The following ETV6 variants were observed in gnomAD, a reference collection of about 807,000 sequenced individuals.
ETV6 encodes the protein ETS variant transcription factor 6.
A neutral mutation model predicts 51.1 loss-of-function variants in ETV6; 16 were observed. The observed-to-expected ratio is 0.31, with a 90% confidence interval of 0.21 to 0.48. The LOEUF (loss-of-function observed/expected upper bound fraction) is 0.48. ETV6 is among the 20% of genes least tolerant of loss of function. The pLI is 0.99. For synonymous variants in ETV6, 240 were observed against 224.1 expected, an observed-to-expected ratio of 1.07 and a Z score of -0.64; for missense variants, 458 against 594.8, an observed-to-expected ratio of 0.77 and a Z score of 2.39.
In ETV6 at chr12:11,893,794, T is replaced by A. The variant is rs2710277; in HGVS notation, c.*2748T>A. 2,268 of 79,254 alleles carry A rather than the reference T, an allele frequency of 0.029. 232 individuals are homozygous for A. Among genetic ancestry groups the A allele is most frequent in the Middle Eastern group, 0.053 (10 of 188 alleles). The allele number at this position is 79,254 out of a possible 1,614,324, so 4.9% of individuals were successfully genotyped here. On this transcript the variant is annotated 3_prime_UTR_variant, in exon 8 of 8. Coordinates refer to ENST00000396373, the MANE Select transcript of ETV6 (RefSeq NM_001987.5). ...GTGTCCATCCCCAAGATCTCTCATT[T>A]TATATATATATATATATATATATAT... is the stretch of plus-strand genomic sequence containing the variant.
chr12:11,878,827 G>GAAAAAAAAAAA (rs111309234), intron 5 of ETV6, among the ~76,000 whole-genome samples: 1 of 132,590 alleles, frequency 7.5e-6, no homozygotes, highest in African/African-American at 2.8e-5. Flanking sequence ...GAGGAGGAGG[G>GAAAAAAAAAAA]GAAAAAAAAA....
At chr12:11,704,005 G>A (rs1189355275) in intron 1 of ETV6, among the ~76,000 whole-genome samples, 1 of 152,178 alleles carries the variant, frequency 6.6e-6, no homozygotes, top group Non-Finnish European at 1.5e-5. Context: ...TAGTGGAGAC[G>A]ATGAATTTTC....
chr12:11,858,960 A>T (rs1296004125), intron 4 of ETV6, among the ~76,000 whole-genome samples: 1 of 152,014 alleles, frequency 6.6e-6, no homozygotes, highest in Non-Finnish European at 1.5e-5. Flanking sequence ...GTGTTCTGCG[A>T]TGGCCCACAG....
At chr12:11,805,569 C>T (rs1945817259) in intron 2 of ETV6, among the ~76,000 whole-genome samples, 1 of 152,084 alleles carries the variant, frequency 6.6e-6, no homozygotes, top group Non-Finnish European at 1.5e-5. Context: ...GACTTGAAAG[C>T]TAAGTAGGAG....
At chr12:11,708,154 A>T (rs1008902875) in intron 1 of ETV6, among the ~76,000 whole-genome samples, 8 of 152,018 alleles carry the variant, frequency 5.3e-5, no homozygotes, top group African/African-American at 1.4e-4. Context: ...TCACTACCAC[A>T]TCCAGCCTTG....
At chr12:11,811,064 G>A (rs1945905421) in intron 2 of ETV6, among the ~76,000 whole-genome samples, 2 of 152,108 alleles carry the variant, frequency 1.3e-5, no homozygotes, top group African/African-American at 2.4e-5. Flanking sequence ...TCAGAGTGGT[G>A]GTACAGCAAA....
intron 3 of ETV6, among the ~76,000 whole-genome samples, 197 bp from the exon 4 acceptor site, chr12:11,853,230 A>T (rs75176591): frequency 0.012 from 1,771 of 152,366 alleles, 20 homozygotes; most frequent in Middle Eastern, 0.02. Context: ...AGTTTGATTT[A>T]CAACTTCACA....
At chr12:11,850,412 C>G (rs1000261075) in intron 3 of ETV6, among the ~76,000 whole-genome samples, 2 of 152,078 alleles carry the variant, frequency 1.3e-5, no homozygotes, top group African/African-American at 4.8e-5. Context: ...CTTCTTTACC[C>G]TTTCTGGAAG....
chr12:11,821,923 C>A (rs1565539176), intron 2 of ETV6, among the ~76,000 whole-genome samples: 1 of 152,176 alleles, frequency 6.6e-6, no homozygotes, highest in African/African-American at 2.4e-5. Flanking sequence ...ATATATCTCA[C>A]GTCCTAATCC....
At chr12:11,736,544 T>C (rs552802803) in intron 1 of ETV6, among the ~76,000 whole-genome samples, 1 of 152,334 alleles carries the variant, frequency 6.6e-6, no homozygotes, top group South Asian at 2.1e-4. Context: ...TTCTAAAGTA[T>C]TTTTGAGGAA....
intron 1 of ETV6, among the ~76,000 whole-genome samples, chr12:11,680,805 C>G (rs993619946): frequency 2.0e-5 from 3 of 152,192 alleles, no homozygotes; most frequent in African/African-American, 7.2e-5. Flanking sequence ...CTGTCTCCCT[C>G]TAATAGAAGA....
chr12:11,694,026 G>T (rs1864824496), intron 1 of ETV6, among the ~76,000 whole-genome samples: 2 of 152,246 alleles, frequency 1.3e-5, no homozygotes, highest in South Asian at 4.1e-4. Context: ...GGATGGAGTT[G>T]TACCAAATAA....
rs116212638 is a variant in ETV6 at position 11,753,758 on chromosome 12, G to A, written c.163+1179G>A. On this transcript the variant is annotated intron_variant, in intron 2 of 7. Transcript: ENST00000396373. The stretch of plus-strand genomic sequence containing the variant: ...GCCGGCTTATGCCTTCTGCCCCAGA[G>A]GGCAGACGGTTGCTGGGATGTTTGT... 3.8e-3 allele frequency among the ~76,000 whole-genome samples: 583 copies of A among 152,366 alleles called. 3 individuals carry two copies. The highest frequency in any genetic ancestry group is 0.013 in the African/African-American group (551 of 41,582).
At chr12:11,718,859 C>T (rs1865328469) in intron 1 of ETV6, among the ~76,000 whole-genome samples, 1 of 152,180 alleles carries the variant, frequency 6.6e-6, no homozygotes, top group Non-Finnish European at 1.5e-5. Flanking sequence ...CAGTTTAGGG[C>T]TGCCAGACTT....
chr12:11,792,381 C>T (rs896906279), intron 2 of ETV6, among the ~76,000 whole-genome samples: 10 of 152,150 alleles, frequency 6.6e-5, no homozygotes, highest in South Asian at 2.1e-4. Flanking sequence ...AACTCTGAGA[C>T]GGATTACATT....
At chr12:11,783,791 C>T (rs1313492685) in intron 2 of ETV6, among the ~76,000 whole-genome samples, 1 of 152,088 alleles carries the variant, frequency 6.6e-6, no homozygotes, top group Non-Finnish European at 1.5e-5. Flanking sequence ...TGGGGGCAGG[C>T]TTCATAACTT....
intron 1 of ETV6, among the ~76,000 whole-genome samples, chr12:11,693,844 C>T (rs1864819256): frequency 6.6e-6 from 1 of 152,150 alleles, no homozygotes; most frequent in African/African-American, 2.4e-5. Context: ...CTCAGAGACT[C>T]TATGGCTAGC....
intron 2 of ETV6, among the ~76,000 whole-genome samples, chr12:11,795,921 G>C (rs1011680402): frequency 6.6e-6 from 1 of 152,190 alleles, no homozygotes; most frequent in African/African-American, 2.4e-5. Flanking sequence ...CAAGGACTCA[G>C]TAAATGTTAG....
chr12:11,890,744 A>C (rs1947274385), intron 7 of ETV6, among the ~76,000 whole-genome samples, 197 bp from the exon 8 acceptor site: 1 of 151,974 alleles, frequency 6.6e-6, no homozygotes, highest in Non-Finnish European at 1.5e-5. Flanking sequence ...TTAAATAAGC[A>C]TTTTACCACT....
Sources: gnomAD v4.1 joint callset for allele counts (sites outside exome capture counted in the v4.1 genomes callset) on GRCh38, gnomAD v4.1.1 for gene constraint, MANE v1.5 for transcripts, NCBI Gene and HGNC (gene_info 2026-07-23, HGNC 2026-07-21) for gene names.